TDRD9: variants seen among roughly 807,000 people sequenced by gnomAD.
TDRD9 encodes ATP-dependent RNA helicase TDRD9.
In TDRD9, 124 loss-of-function variants were observed where a neutral mutation model predicts 172.6. That is an observed-to-expected ratio of 0.72 (90% CI 0.62 to 0.83). The LOEUF is 0.83. Ranked by LOEUF, TDRD9 falls within the 40% of genes least tolerant of loss-of-function variation. The pLI is 0.00. For missense variants in TDRD9, 1,479 were observed against 1,714.1 expected, an observed-to-expected ratio of 0.86 and a Z score of 2.42; for synonymous variants, 619 against 617.1, an observed-to-expected ratio of 1.00 and a Z score of -0.05.
intron 23 of TDRD9, among the ~76,000 whole-genome samples, chr14:104,019,075 C>A (rs1241003716): frequency 6.6e-6 from 1 of 152,200 alleles, no homozygotes; most frequent in Non-Finnish European, 1.5e-5. Flanking sequence ...AGTGTCTGAA[C>A]TTTTCTTAAA....
chr14:103,977,498 A>C (rs1323316538), intron 7 of TDRD9, among the ~76,000 whole-genome samples: 1 of 145,266 alleles, frequency 6.9e-6, no homozygotes, highest in Non-Finnish European at 1.5e-5. Context: ...ATCTCAAAAA[A>C]AAAAAAAAAA....
intron 2 of TDRD9, among the ~76,000 whole-genome samples, chr14:103,961,919 A>G (rs981339971): frequency 6.6e-6 from 1 of 152,222 alleles, no homozygotes; most frequent in African/African-American, 2.4e-5. Context: ...GTCAGAAACA[A>G]GGGGCTGATA....
chr14:103,960,654 C>T (rs766513587), intron 2 of TDRD9, among the ~76,000 whole-genome samples: 16 of 152,024 alleles, frequency 1.1e-4, no homozygotes, highest in African/African-American at 3.4e-4. Context: ...GCAGTGTACG[C>T]GGAGGCAGGA....
chr14:103,953,645 G>A (rs777432510), intron 1 of TDRD9, among the ~76,000 whole-genome samples: 5 of 152,164 alleles, frequency 3.3e-5, no homozygotes, highest in African/African-American at 9.7e-5. Flanking sequence ...CTGGGAACCA[G>A]GGTAACTGAT....
chr14:104,035,067 C>T lies in TDRD9; in HGVS notation c.3716+11C>T. ...GGTGATAGAGTTAAGGTACGGGCAT[C>T]CCTCTTGTCTATAGGCTTTGTAAAA... On this transcript the variant is annotated intron_variant, in intron 32 of 35. Transcript: ENST00000409874. The T allele has an allele frequency of 6.5e-7, 1 of 1,548,132 alleles. No homozygotes were observed. The highest frequency in any genetic ancestry group is 8.7e-7 in the Non-Finnish European group (1 of 1,144,086).
In TDRD9 at chr14:103,986,242, C is replaced by A. The variant is rs763784398; in HGVS notation, c.1037C>A (p.Pro346Gln). The A allele has an allele frequency of 6.2e-7, 1 of 1,612,784 alleles. No homozygotes were observed. Among genetic ancestry groups the A allele is most frequent in the Admixed American group, 1.7e-5 (1 of 59,768 alleles). Residue 346 changes from proline (P) to glutamine (Q), a missense_variant, in exon 8 of 36, where the codon CCG becomes CAG. By Grantham distance (76) the Pro-to-Gln change is moderately conservative. Around this residue, in one of 3 missense-constraint regions of TDRD9, gnomAD observed 1,413 missense variants for 1,649.1 expected, o/e 0.86. Transcript: ENST00000409874. Reference sequence around the variant, plus strand: ...CTCTCTCCTCATCTCCTGGAGGAACCGGTGATAACTAAGGATATATATGAA... The same window carrying A: ...CTCTCTCCTCATCTCCTGGAGGAACAGGTGATAACTAAGGATATATATGAA... ...SKLSPHLLEE[P>Q]VITKDIYEVA...
At position 103,955,740 on chromosome 14, in the gene TDRD9, T is replaced by G. The variant is rs755011079; in HGVS notation, c.292T>G (p.Cys98Gly). The G allele has an allele frequency of 1.7e-4, 260 of 1,551,252 alleles. No homozygotes were observed. The highest frequency in any genetic ancestry group is 2.2e-4 in the Non-Finnish European group (253 of 1,146,856). The change falls in exon 2 of 36, where the codon TGT becomes GGT. Residue 98 changes from cysteine (C) to glycine (G), a missense_variant. Coordinates refer to ENST00000409874, the MANE Select transcript of TDRD9 (RefSeq NM_153046.3). ...GCTCGAAGCACAAGAGCTTGATGTG[T>G]GTCGCAGTGTCCAACCAACCAGTGG... ...RQLEAQELDV[C>G]RSVQPTSGPG...
chr14:104,035,924 C>T (rs1036904172), intron 32 of TDRD9, among the ~76,000 whole-genome samples: 3 of 152,040 alleles, frequency 2.0e-5, no homozygotes, highest in African/African-American at 7.2e-5. Flanking sequence ...ACCGTTTACT[C>T]AGTCCTTTTT....
chr14:104,040,827 G>T (rs1412524663), intron 33 of TDRD9, among the ~76,000 whole-genome samples: 2 of 152,260 alleles, frequency 1.3e-5, no homozygotes, highest in African/African-American at 4.8e-5. Context: ...GCTCTGGGGT[G>T]AGGTGGCAAG....
chr14:104,044,869 G>C (rs61997596), intron 34 of TDRD9, among the ~76,000 whole-genome samples: 1 of 152,140 alleles, frequency 6.6e-6, no homozygotes, highest in East Asian at 1.9e-4. Context: ...AGGGCCAGAC[G>C]TATTGGCTTA....
chr14:103,951,482 T>C (rs1008333136), intron 1 of TDRD9, among the ~76,000 whole-genome samples: 2 of 152,264 alleles, frequency 1.3e-5, no homozygotes, highest in African/African-American at 4.8e-5. Flanking sequence ...TGCATAATTA[T>C]AATCGGCATT....
intron 9 of TDRD9, among the ~76,000 whole-genome samples, chr14:103,994,130 T>C (rs2033971405): frequency 6.6e-6 from 1 of 152,254 alleles, no homozygotes; most frequent in African/African-American, 2.4e-5. Flanking sequence ...ATAGGGTTTT[T>C]CCCTATATTT....
At chr14:104,050,682 C>A (rs1380800796) in intron 35 of TDRD9, among the ~76,000 whole-genome samples, 1 of 152,188 alleles carries the variant, frequency 6.6e-6, no homozygotes, top group Non-Finnish European at 1.5e-5. Context: ...TCTTTAGAGA[C>A]CCCAAGGCTG....
chr14:104,001,800 G>T (rs1290340056), intron 13 of TDRD9, among the ~76,000 whole-genome samples: 2 of 151,918 alleles, frequency 1.3e-5, no homozygotes, highest in African/African-American at 4.8e-5. Context: ...GTAGAGATGG[G>T]GTTTCACCAT....
In TDRD9 at chr14:104,006,667, AT is replaced by A; in HGVS notation, c.1908del (p.Phe636LeufsTer16). Reference protein sequence around the residue: ...LIIAAALSLKNFFAMPFRQHL... With the variant: ...LIIAAALSLKXFFAMPFRQHL... ...TTAGCGGCAGCTCTTTCTTTGAAGA[AT>A]TTTTTTGCAATGCCTTTCCGGCAGC... On this transcript the variant is annotated frameshift_variant, in exon 17 of 36. Transcript: ENST00000409874. LOFTEE classifies it high-confidence loss of function. 3 of 1,613,838 alleles carry A rather than the reference AT, an allele frequency of 1.9e-6. No individual in the cohort carries two copies. Among genetic ancestry groups the A allele is most frequent in the Non-Finnish European group, 2.5e-6 (3 of 1,179,824 alleles).
In TDRD9 at chr14:103,966,839, A is replaced by T; in HGVS notation, c.765+8A>T. 6.5e-7 allele frequency: 1 copy of T among 1,548,224 alleles called. No individual in the cohort carries two copies. ...CATATCATCATTGATGAAGTAAGTGATGTCATCTACTTGTAAAGGTCATAT... is the reference window on the plus strand; with the variant it reads ...CATATCATCATTGATGAAGTAAGTGTTGTCATCTACTTGTAAAGGTCATAT... On this transcript the variant is annotated splice_region_variant and intron_variant, in intron 5 of 35. Coordinates refer to ENST00000409874, the MANE Select transcript of TDRD9 (RefSeq NM_153046.3).
intron 7 of TDRD9, among the ~76,000 whole-genome samples, chr14:103,976,713 A>G (rs1415864670): frequency 2.6e-5 from 4 of 152,180 alleles, no homozygotes; most frequent in Admixed American, 2.0e-4. Context: ...GCTAGGCCAT[A>G]TGGTAGTTCT....
intron 13 of TDRD9, 30 bp downstream of exon 13, chr14:103,998,758 G>C (rs1248795217): frequency 8.7e-7 from 1 of 1,148,338 alleles, no homozygotes; most frequent in Non-Finnish European, 1.3e-6. Context: ...GCACAATAAT[G>C]AGTCATTGGT....
chr14:103,986,379 C>A (rs2033662245), intron 8 of TDRD9, 59 bp downstream of exon 8: 2 of 1,248,836 alleles, frequency 1.6e-6, no homozygotes, highest in Non-Finnish European at 2.2e-6. Flanking sequence ...AAAAATTATT[C>A]ATTTGGAAAC....
Sources: allele counts gnomAD v4.1 joint callset (sites outside exome capture counted in the v4.1 genomes callset), GRCh38; gene constraint gnomAD v4.1.1; regional missense constraint gnomAD v4.1.1; transcripts MANE v1.5; gene names NCBI Gene and HGNC (gene_info 2026-07-23, HGNC 2026-07-21).